DMD: variants seen among roughly 807,000 people sequenced by gnomAD.
The protein encoded by DMD is dystrophin, also known as mutant dystrophin.
In DMD, 63 loss-of-function variants were observed where a neutral mutation model predicts 330.1. The observed-to-expected ratio is 0.19, with a 90% CI of 0.16 to 0.24. The LOEUF (loss-of-function observed/expected upper bound fraction) is 0.24, where lower values mean the gene tolerates loss of function less well. Ranked by LOEUF, DMD falls within the 10% of genes least tolerant of loss-of-function variation. DMD has a pLI of 1.00. For missense variants in DMD, 3,344 were observed against 2,684.1 expected (o/e 1.25, Z -5.43); for synonymous variants, 1,223 against 959.8 (o/e 1.27, Z -5.07).
chrX:32,986,039 C>T (rs1235090877), intron 2 of DMD, among the ~76,000 whole-genome samples: 5 of 111,456 alleles, frequency 4.5e-5, no homozygotes, highest in Non-Finnish European at 7.5e-5. Context: ...TTCTAAATTG[C>T]GACTTCTCTC....
chrX:32,207,340 T>C (rs1003212246), intron 44 of DMD, among the ~76,000 whole-genome samples: 13 of 111,386 alleles, frequency 1.2e-4, no homozygotes, highest in African/African-American at 4.2e-4. Context: ...TAATCGTCCA[T>C]CATGTGATGA....
At chrX:33,123,735 T>A (rs2148498740) in intron 1 of DMD, among the ~76,000 whole-genome samples, 1 of 110,253 alleles carries the variant, frequency 9.1e-6, no homozygotes, top group Non-Finnish European at 1.9e-5. Context: ...GTTTTTTTTT[T>A]TTTTTTTCAG....
intron 1 of DMD, among the ~76,000 whole-genome samples, chrX:33,160,275 C>T (rs1396993349): frequency 9.0e-6 from 1 of 111,485 alleles, no homozygotes; most frequent in Non-Finnish European, 1.9e-5. Flanking sequence ...AACATAACCC[C>T]ACTGTAAGTC....
At chrX:32,164,223 G>C (rs1405768069) in intron 44 of DMD, among the ~76,000 whole-genome samples, 1 of 111,643 alleles carries the variant, frequency 9.0e-6, no homozygotes, top group African/African-American at 3.3e-5. Flanking sequence ...TTGAAAATGT[G>C]GAAGCAACTT....
chrX:32,115,442 T>C (rs914084621), intron 44 of DMD, among the ~76,000 whole-genome samples: 10 of 110,089 alleles, frequency 9.1e-5, no homozygotes, highest in Non-Finnish European at 1.7e-4. Context: ...GAGGTCTCGC[T>C]GTGTTACCCA....
chrX:32,323,991 G>C (rs1409418335), intron 41 of DMD, among the ~76,000 whole-genome samples: 1 of 111,008 alleles, frequency 9.0e-6, no homozygotes, highest in Non-Finnish European at 1.9e-5. Context: ...AGGCTGGGAA[G>C]AGTGTAGGTG....
At chrX:33,268,282 G>A (rs1219820026) in intron 1 of DMD, among the ~76,000 whole-genome samples, 5 of 110,678 alleles carry the variant, frequency 4.5e-5, no homozygotes, top group Admixed American at 1.9e-4. Flanking sequence ...GAGGCACTGC[G>A]CCCGGCCGGC....
chrX:31,625,905 A>G (rs1391428638), intron 55 of DMD, among the ~76,000 whole-genome samples: 1 of 112,080 alleles, frequency 8.9e-6, no homozygotes, highest in Non-Finnish European at 1.9e-5. Context: ...TGCTAAAAAT[A>G]GACTAAAATA....
intron 56 of DMD, among the ~76,000 whole-genome samples, chrX:31,502,450 G>T (rs1395067504): frequency 9.0e-6 from 1 of 110,582 alleles, no homozygotes; most frequent in Non-Finnish European, 1.9e-5. Flanking sequence ...ACCTCTTTTT[G>T]CCCTTCTTTT....
chrX:32,109,381 A>G (rs2146605218), intron 44 of DMD, among the ~76,000 whole-genome samples: 1 of 111,507 alleles, frequency 9.0e-6, no homozygotes, highest in African/African-American at 3.2e-5. Context: ...ATGCTGCAGG[A>G]AAGTTAATCG....
chrX:32,226,424 C>G (rs1047241670), intron 43 of DMD, among the ~76,000 whole-genome samples: 3 of 111,777 alleles, frequency 2.7e-5, no homozygotes, highest in Non-Finnish European at 5.6e-5. Flanking sequence ...TTGTGAAAAC[C>G]TCTATTAACA....
At chrX:32,753,588 T>C (rs1171792570) in intron 7 of DMD, among the ~76,000 whole-genome samples, 2 of 111,986 alleles carry the variant, frequency 1.8e-5, no homozygotes, top group Non-Finnish European at 3.8e-5. Flanking sequence ...CTGTGGGTGT[T>C]CTATAACATT....
At chrX:31,998,078 C>G (rs1254087469) in intron 44 of DMD, among the ~76,000 whole-genome samples, 4 of 111,341 alleles carry the variant, frequency 3.6e-5, no homozygotes, top group Non-Finnish European at 7.6e-5. Context: ...CCAGCAAACG[C>G]AGAGTTAGTG....
At chrX:32,236,443 T>C (rs1328459444) in intron 43 of DMD, among the ~76,000 whole-genome samples, 1 of 111,756 alleles carries the variant, frequency 8.9e-6, no homozygotes, top group Non-Finnish European at 1.9e-5. Flanking sequence ...CCGATGGGAG[T>C]ACGTTATCTC....
chrX:32,293,563 G>T (rs183371181), intron 42 of DMD, among the ~76,000 whole-genome samples: 123 of 111,746 alleles, frequency 1.1e-3, no homozygotes, highest in African/African-American at 4.0e-3. Context: ...ATAAATGTAG[G>T]CAGACCAGAC....
At chrX:32,159,292 T>C (rs143578002) in intron 44 of DMD, among the ~76,000 whole-genome samples, 1 of 112,133 alleles carries the variant, frequency 8.9e-6, no homozygotes, top group Non-Finnish European at 1.9e-5. Flanking sequence ...ATGGAAGAAA[T>C]AGACATGGGA....
At chrX:32,589,858 C>A (rs747937176) in intron 13 of DMD, among the ~76,000 whole-genome samples, 8 of 111,485 alleles carry the variant, frequency 7.2e-5, no homozygotes, top group Admixed American at 9.6e-5. Context: ...AGAGCCCCAG[C>A]TAAATCCTCA....
At chrX:32,941,904 A>T (rs1392231543) in intron 2 of DMD, among the ~76,000 whole-genome samples, 1 of 111,552 alleles carries the variant, frequency 9.0e-6, no homozygotes, top group African/African-American at 3.3e-5. Context: ...ATTTCTTCCA[A>T]CTTGAAGTCC....
intron 4 of DMD, among the ~76,000 whole-genome samples, chrX:32,833,893 C>T (rs891950269): frequency 3.6e-5 from 4 of 110,060 alleles, no homozygotes; most frequent in Middle Eastern, 4.3e-3. Context: ...ACTAATTTCC[C>T]TTAAAGCAAG....
Sources: allele counts gnomAD v4.1 joint callset (sites outside exome capture counted in the v4.1 genomes callset), GRCh38; gene constraint gnomAD v4.1.1; transcripts MANE v1.5; gene names NCBI Gene and HGNC (gene_info 2026-07-23, HGNC 2026-07-21).